Variants in CSMD1 observed in about 807,000 individuals in gnomAD.
CSMD1 encodes CUB and Sushi multiple domains 1.
CSMD1 carries 213 observed loss-of-function variants against 417.5 expected under a neutral mutation model. The observed-to-expected ratio is 0.51, with a 90% CI of 0.46 to 0.57. The LOEUF (loss-of-function observed/expected upper bound fraction) is 0.57. Among genes scored for constraint, CSMD1 ranks in the 20% least tolerant of loss-of-function variants. The probability of loss-of-function intolerance (pLI) is 0.00; values close to 1 mark genes in which losing one functional copy is unlikely to be tolerated. For synonymous variants in CSMD1, 2,862 were observed against 1,736.8 expected, an observed-to-expected ratio of 1.65 and a Z score of -16.11; for missense variants, 6,923 against 4,529.7, an observed-to-expected ratio of 1.53 and a Z score of -15.17.
rs537261148 is a variant in CSMD1 at position 4,552,243 on chromosome 8, G to T, written c.302+85099C>A. On this transcript the variant is annotated intron_variant, in intron 2 of 69. Coordinates refer to ENST00000635120, the MANE Select transcript of CSMD1 (RefSeq NM_033225.6). ...AATGTGAGCCTCCCTTTCAAGGTTA[G>T]TAACTCATCTGCTGTGTTTCTGCTT... is the stretch of plus-strand genomic sequence containing the variant. Among the ~76,000 whole-genome samples the T allele has an allele frequency of 5.9e-5, 9 of 152,194 alleles. No individual in the cohort carries two copies. In the South Asian group the frequency reaches 1.5e-3, roughly 25 times the overall value.
intron 5 of CSMD1, among the ~76,000 whole-genome samples, chr8:3,979,914 A>G (rs960942634): frequency 6.6e-6 from 1 of 152,230 alleles, no homozygotes. Context: ...ATACTCCATA[A>G]AGACCCTTTG....
At chr8:4,050,403 A>T (rs1798364237) in intron 3 of CSMD1, among the ~76,000 whole-genome samples, 3 of 152,084 alleles carry the variant, frequency 2.0e-5, no homozygotes, top group African/African-American at 7.2e-5. Context: ...TTAATTTTTA[A>T]AATTTTATTT....
At chr8:4,071,170 G>A in intron 3 of CSMD1, among the ~76,000 whole-genome samples, 1 of 151,576 alleles carries the variant, frequency 6.6e-6, no homozygotes, top group Non-Finnish European at 1.5e-5. Flanking sequence ...GTACATTAAA[G>A]ATAGTTTCTC....
chr8:3,990,611 A>C (rs1405784630), intron 5 of CSMD1, among the ~76,000 whole-genome samples: 2 of 152,190 alleles, frequency 1.3e-5, no homozygotes, highest in East Asian at 3.9e-4. Context: ...TAGTTTTTTA[A>C]CTTTATTGAA....
At chr8:4,509,017 G>C (rs1446191822) in intron 2 of CSMD1, among the ~76,000 whole-genome samples, 1 of 151,984 alleles carries the variant, frequency 6.6e-6, no homozygotes. Context: ...GGTGAGAAAA[G>C]ACAACATGAG....
At position 3,046,204 on chromosome 8, in the gene CSMD1, C is replaced by T. The variant is rs73488436; in HGVS notation, c.7660+6258G>A. Among the ~76,000 whole-genome samples, 1,353 of 152,220 alleles carry T rather than the reference C, an allele frequency of 8.9e-3. 19 individuals are homozygous for T. Among genetic ancestry groups the T allele is most frequent in the African/African-American group, 0.03 (1,243 of 41,540 alleles). On this transcript the variant is annotated intron_variant, in intron 50 of 69. Coordinates refer to ENST00000635120, the MANE Select transcript of CSMD1 (RefSeq NM_033225.6). ...CTGTTGTTTGGAGACACAAGGGAAG[C>T]GGAGGTGAGGCAGCGGGGGTTTCAG...
At chr8:2,954,067 A>C (rs1194469220) in intron 65 of CSMD1, among the ~76,000 whole-genome samples, 157 bp downstream of exon 65, 1 of 152,272 alleles carries the variant, frequency 6.6e-6, no homozygotes, top group East Asian at 1.9e-4. Context: ...AATAAACAGA[A>C]TTCCATGTAA....
chr8:4,481,534 G>A (rs7017929), intron 2 of CSMD1, among the ~76,000 whole-genome samples: 304 of 152,208 alleles, frequency 2.0e-3, no homozygotes, highest in African/African-American at 6.5e-3. Flanking sequence ...AGATAGAGAA[G>A]GAATTAACCT....
chr8:3,343,410 G>T lies in CSMD1; in HGVS notation c.3515C>A (p.Thr1172Lys). ...CCCCAGAAGTTCATTTTTAGTGAAC[G>T]TGCCCAGTGGACGTGAGGAACTGTC... ...GKDSSSRPLGTFTKNELLGLI... is the reference protein window; with the variant it reads ...GKDSSSRPLGKFTKNELLGLI... Residue 1172 changes from threonine to lysine, a missense_variant, in exon 23 of 70, where the codon ACG (threonine) becomes AAG (lysine). Thr to Lys is a moderately conservative substitution (Grantham distance 78, BLOSUM62 -1). Transcript: ENST00000635120. 12 of 1,613,746 alleles carry T rather than the reference G, an allele frequency of 7.4e-6. No homozygotes were observed. Among genetic ancestry groups the T allele is most frequent in the Non-Finnish European group, 1.0e-5 (12 of 1,179,728 alleles).
intron 1 of CSMD1, among the ~76,000 whole-genome samples, chr8:4,962,114 G>GTT (rs5889078): frequency 9.2e-4 from 133 of 144,938 alleles, no homozygotes; most frequent in African/African-American, 3.1e-3. Context: ...TTTTTTTGTT[G>GTT]TTTTTTTTTT....
chr8:4,575,365 G>A (rs940741269), intron 2 of CSMD1, among the ~76,000 whole-genome samples: 2 of 152,158 alleles, frequency 1.3e-5, no homozygotes, highest in African/African-American at 4.8e-5. Flanking sequence ...TAAAGTTGCG[G>A]GATGAAAAGG....
At chr8:3,135,739 C>A (rs1818042499) in intron 41 of CSMD1, among the ~76,000 whole-genome samples, 1 of 152,116 alleles carries the variant, frequency 6.6e-6, no homozygotes, top group South Asian at 2.1e-4. Context: ...CCAAGTTGAC[C>A]TAACACATAG....
At chr8:4,823,337 A>C (rs1018617321) in intron 1 of CSMD1, among the ~76,000 whole-genome samples, 4 of 152,088 alleles carry the variant, frequency 2.6e-5, no homozygotes, top group Non-Finnish European at 4.4e-5. Context: ...AGTTTTTAAA[A>C]TGTATTACAA....
chr8:4,842,576 T>A (rs902721799), intron 1 of CSMD1, among the ~76,000 whole-genome samples: 4 of 152,190 alleles, frequency 2.6e-5, no homozygotes, highest in East Asian at 3.9e-4. Context: ...ATATTGAGCA[T>A]AGGGCACATG....
intron 3 of CSMD1, among the ~76,000 whole-genome samples, chr8:4,156,446 G>A (rs1245187638): frequency 1.3e-5 from 2 of 152,134 alleles, no homozygotes; most frequent in African/African-American, 4.8e-5. Context: ...GGATAAATAT[G>A]CTATTGGTGC....
intron 3 of CSMD1, among the ~76,000 whole-genome samples, chr8:4,125,758 C>T (rs539547476): frequency 1.3e-5 from 2 of 152,268 alleles, no homozygotes; most frequent in South Asian, 2.1e-4. Flanking sequence ...AAATTGTTTA[C>T]AGCCCTTATC....
At chr8:3,439,154 C>CAAAGAAAAAAAAAAAAAA (rs1563390150) in intron 12 of CSMD1, among the ~76,000 whole-genome samples, 2 of 26,620 alleles carry the variant, frequency 7.5e-5, no homozygotes, top group African/African-American at 1.8e-4. Flanking sequence ...AAAAAAAAAC[C>CAAAGAAAAAAAAAAAAAA]AAGAAAAAAA....
intron 3 of CSMD1, among the ~76,000 whole-genome samples, chr8:4,052,778 C>T (rs1158572977): frequency 6.6e-6 from 1 of 152,082 alleles, no homozygotes; most frequent in African/African-American, 2.4e-5. Context: ...TATCTGAGGA[C>T]ACATCCTGGA....
chr8:4,248,551 C>G (rs558081609), intron 3 of CSMD1, among the ~76,000 whole-genome samples: 13 of 152,310 alleles, frequency 8.5e-5, no homozygotes, highest in Admixed American at 7.2e-4. Flanking sequence ...TAGACACATT[C>G]TATTTCTCTT....
Sources: gnomAD v4.1 joint callset for allele counts (sites outside exome capture counted in the v4.1 genomes callset) on GRCh38, gnomAD v4.1.1 for gene constraint, MANE v1.5 for transcripts, NCBI Gene and HGNC (gene_info 2026-07-23, HGNC 2026-07-21) for gene names.